Variants in CENPP observed in about 807,000 individuals in gnomAD.
The protein encoded by CENPP is centromere protein P.
Under a neutral mutation model 35.6 loss-of-function variants are expected in CENPP, and 24 were observed. The observed-to-expected ratio is 0.67, with a 90% CI of 0.49 to 0.95. The LOEUF (loss-of-function observed/expected upper bound fraction) is 0.95. Ranked by LOEUF, CENPP falls within the 40% of genes least tolerant of loss-of-function variation. The pLI, the probability that CENPP is intolerant of heterozygous loss-of-function variation, is 0.00. For missense variants in CENPP, 332 were observed against 345.3 expected (o/e 0.96, Z 0.31); for synonymous variants, 120 against 125.5 (o/e 0.96, Z 0.29).
chr9:92,335,250 C>T (rs948917162), intron 2 of CENPP, among the ~76,000 whole-genome samples: 2 of 152,060 alleles, frequency 1.3e-5, no homozygotes, highest in South Asian at 2.1e-4. Context: ...TATTTATATG[C>T]AATTTATGTA....
chr9:92,618,448 G>A lies in CENPP; in HGVS notation c.*5299G>A, dbSNP rs1851516031. ...GCTAGACGAGGTGAGTAACATGTCT[G>A]TCCTTCAGCGGCCTTTCACAGCCCA... is the stretch of plus-strand genomic sequence containing the variant. On this transcript the variant is annotated 3_prime_UTR_variant, in exon 8 of 8. Coordinates refer to ENST00000375587, the MANE Select transcript of CENPP (RefSeq NM_001012267.3). 2.2e-6 allele frequency: 1 copy of A among 456,598 alleles called. No homozygotes were observed. Among genetic ancestry groups the A allele is most frequent in the African/African-American group, 2.0e-5 (1 of 50,072 alleles). 28.3% of individuals were successfully genotyped at this position (456,598 alleles called of 1,614,324 possible). A position where few individuals can be genotyped will look rare whatever the true frequency, so the allele number is the denominator to read the frequency against.
At chr9:92,441,111 A>G (rs1027327681) in intron 5 of CENPP, among the ~76,000 whole-genome samples, 1 of 152,236 alleles carries the variant, frequency 6.6e-6, no homozygotes, top group Admixed American at 6.5e-5. Context: ...ACGTTAATAA[A>G]AAACAAGTGC....
intron 2 of CENPP, among the ~76,000 whole-genome samples, chr9:92,335,501 T>C (rs1364679805): frequency 6.6e-6 from 1 of 152,172 alleles, no homozygotes; most frequent in African/African-American, 2.4e-5. Context: ...CTAGGAGTTT[T>C]ATAGTTTTGT....
At chr9:92,565,293 TAAAAAA>T (rs3078380) in intron 5 of CENPP, among the ~76,000 whole-genome samples, 102 of 33,154 alleles carry the variant, frequency 3.1e-3, no homozygotes, top group African/African-American at 0.011. Flanking sequence ...GCTGATGAGC[TAAAAAA>T]AAAAAAAAAA....
At chr9:92,407,898 T>G (rs896196666) in intron 5 of CENPP, among the ~76,000 whole-genome samples, 1 of 152,196 alleles carries the variant, frequency 6.6e-6, no homozygotes, top group Non-Finnish European at 1.5e-5. Context: ...CCTATTGTAT[T>G]ATCTTTGGTG....
At chr9:92,570,901 A>C (rs1850119864) in intron 5 of CENPP, among the ~76,000 whole-genome samples, 1 of 152,090 alleles carries the variant, frequency 6.6e-6, no homozygotes, top group Admixed American at 6.5e-5. Flanking sequence ...AGTAGTTTGT[A>C]TTTCTGTGGG....
intron 5 of CENPP, among the ~76,000 whole-genome samples, chr9:92,591,489 C>T (rs1283735360): frequency 2.0e-5 from 3 of 151,628 alleles, no homozygotes; most frequent in Non-Finnish European, 4.4e-5. Context: ...GGAAGATATG[C>T]CCTTGTGTGT....
intron 5 of CENPP, chr9:92,466,293 TAA>T (rs1845309076): frequency 9.4e-7 from 1 of 1,067,592 alleles, no homozygotes; most frequent in East Asian, 2.4e-5. Flanking sequence ...ATAGTGACGA[TAA>T]AGTGTTCTAC....
chr9:92,604,965 G>C (rs1851034426), intron 5 of CENPP, among the ~76,000 whole-genome samples: 1 of 152,000 alleles, frequency 6.6e-6, no homozygotes. Context: ...TCTCTCAGAA[G>C]TTTTACAGTT....
chr9:92,432,481 AC>A (rs1325989677), intron 5 of CENPP, among the ~76,000 whole-genome samples: 1 of 152,118 alleles, frequency 6.6e-6, no homozygotes, highest in African/African-American at 2.4e-5. Flanking sequence ...GCTCCTATAA[AC>A]CACGAGATGA....
intron 5 of CENPP, among the ~76,000 whole-genome samples, chr9:92,511,218 C>T (rs1026300356): frequency 8.5e-5 from 13 of 152,060 alleles, no homozygotes; most frequent in Admixed American, 2.0e-4. Context: ...CTCCGCCTCC[C>T]GAATTCAAGC....
At chr9:92,549,731 TATC>T (rs1240292426) in intron 5 of CENPP, among the ~76,000 whole-genome samples, 2 of 152,170 alleles carry the variant, frequency 1.3e-5, no homozygotes, top group African/African-American at 4.8e-5. Flanking sequence ...CCGGATTAGA[TATC>T]ATTTTATCAA....
chr9:92,435,119 G>A (rs1478386730), intron 5 of CENPP, among the ~76,000 whole-genome samples: 1 of 152,162 alleles, frequency 6.6e-6, no homozygotes, highest in Admixed American at 6.5e-5. Context: ...ATGCTTGGTA[G>A]ACATAATCCA....
At chr9:92,517,759 T>C in intron 5 of CENPP, 3 of 1,614,202 alleles carry the variant, frequency 1.9e-6, no homozygotes, top group Non-Finnish European at 2.5e-6. Flanking sequence ...GGATGGCACA[T>C]GGTTTCATCA....
intron 4 of CENPP, among the ~76,000 whole-genome samples, chr9:92,374,897 T>C (rs1489805511): frequency 2.6e-5 from 4 of 152,222 alleles, no homozygotes; most frequent in African/African-American, 9.7e-5. Context: ...GTAACAGACC[T>C]CAGCTTTCTT....
At chr9:92,611,555 G>A (rs1453459919) in intron 6 of CENPP, among the ~76,000 whole-genome samples, 162 bp downstream of exon 6, 1 of 152,186 alleles carries the variant, frequency 6.6e-6, no homozygotes, top group African/African-American at 2.4e-5. Context: ...CCAGTATGGG[G>A]GTGCGGGGAG....
intron 5 of CENPP, among the ~76,000 whole-genome samples, chr9:92,508,988 G>A (rs1269233113): frequency 9.2e-5 from 14 of 151,962 alleles, no homozygotes; most frequent in Admixed American, 9.2e-4. Flanking sequence ...AAAGTACACA[G>A]TACAATCAAA....
At chr9:92,606,973 CAAT>C (rs1320040342) in intron 5 of CENPP, among the ~76,000 whole-genome samples, 5 of 151,894 alleles carry the variant, frequency 3.3e-5, no homozygotes, top group Non-Finnish European at 2.9e-5. Context: ...AAAATAATAA[CAAT>C]AATAATAATA....
chr9:92,572,189 G>A (rs1298811049), intron 5 of CENPP, among the ~76,000 whole-genome samples: 6 of 152,192 alleles, frequency 3.9e-5, no homozygotes, highest in African/African-American at 1.4e-4. Flanking sequence ...AGCATTGATG[G>A]TCTTTACAAT....
Sources: gnomAD v4.1 joint callset for allele counts (sites outside exome capture counted in the v4.1 genomes callset) on GRCh38, gnomAD v4.1.1 for gene constraint, MANE v1.5 for transcripts, NCBI Gene and HGNC (gene_info 2026-07-23, HGNC 2026-07-21) for gene names.